Variants in FANCB observed in about 807,000 individuals in gnomAD.
FANCB encodes the protein Fanconi anemia group B protein.
In FANCB, 5 loss-of-function variants were observed where a neutral mutation model predicts 38.9. The observed-to-expected ratio is 0.13, with a 90% CI of 0.07 to 0.27. FANCB has a LOEUF of 0.27. FANCB is among the 10% of genes least tolerant of loss of function. The probability of loss-of-function intolerance (pLI) is 1.00; values close to 1 mark genes in which losing one functional copy is unlikely to be tolerated. For synonymous variants in FANCB, 236 were observed against 215.4 expected (o/e 1.10, Z -0.84); for missense variants, 573 against 602.7 (o/e 0.95, Z 0.52).
the FANCB span, chrX:14,730,298 C>T: frequency 1.2e-4 from 148 of 1,205,998 alleles, no homozygotes; most frequent in African/African-American, 2.4e-3. Flanking sequence ...GCTGTCAAGG[C>T]CACACCTGCC....
chrX:14,853,908 T>C (rs1013818102), intron 5 of FANCB, among the ~76,000 whole-genome samples: 19 of 112,458 alleles, frequency 1.7e-4, no homozygotes, highest in African/African-American at 5.2e-4. Context: ...GTTGTTTCAT[T>C]TCAGGTGGAT....
chrX:14,848,261 C>T lies in FANCB; in HGVS notation c.1496+2244G>A, dbSNP rs144508993. ...TTGGACTGCCAGAACGAGCCAACAG[C>T]GCGTGATGTGCTTCCCCCTCCAGAG... On this transcript the variant is annotated intron_variant, in intron 7 of 9. Coordinates refer to ENST00000650831, the MANE Select transcript of FANCB (RefSeq NM_001018113.3). 3.1e-3 allele frequency among the ~76,000 whole-genome samples: 351 copies of T among 112,088 alleles called. 1 individual carries two copies. The highest frequency in any genetic ancestry group is 0.01 in the African/African-American group (316 of 30,837).
At chrX:14,694,770 C>A in the FANCB span, among the ~76,000 whole-genome samples, 1 of 112,344 alleles carries the variant, frequency 8.9e-6, no homozygotes, top group Non-Finnish European at 1.9e-5. Flanking sequence ...AAAAATGCAG[C>A]CTTTTGATGA....
At chrX:14,872,370 G>T (rs886184099) in intron 1 of FANCB, among the ~76,000 whole-genome samples, 5 of 112,011 alleles carry the variant, frequency 4.5e-5, no homozygotes, top group Non-Finnish European at 9.4e-5. Flanking sequence ...TATTGTATGC[G>T]CAACTATTTT....
In FANCB at chrX:14,845,137, G is replaced by A; in HGVS notation, c.1646C>T (p.Ala549Val). The A allele has an allele frequency of 1.7e-6, 2 of 1,211,069 alleles. No homozygotes were observed. Among genetic ancestry groups the A allele is most frequent in the Non-Finnish European group, 2.2e-6 (2 of 894,961 alleles). Residue 549 changes from alanine (A) to valine (V), a missense_variant, in exon 8 of 10, where the codon GCA becomes GTA. Ala to Val is a moderately conservative substitution (Grantham distance 64). Coordinates refer to ENST00000650831, the MANE Select transcript of FANCB (RefSeq NM_001018113.3). The stretch of plus-strand genomic sequence containing the variant: ...ATCAGGGGTCAACGTGACCCTTTTT[G>A]CTTCCAATCCTATTTCACATGGCAT... The part of the protein sequence containing the change: ...YLMPCEIGLE[A>V]KRVTLTPDSK...
At chrX:14,870,626 A>T (rs1180115294) in intron 1 of FANCB, among the ~76,000 whole-genome samples, 1 of 112,201 alleles carries the variant, frequency 8.9e-6, no homozygotes, top group Non-Finnish European at 1.9e-5. Flanking sequence ...ATATACAAGC[A>T]TATGCTAACA....
the FANCB span, among the ~76,000 whole-genome samples, chrX:14,804,787 G>A: frequency 3.6e-5 from 4 of 111,791 alleles, no homozygotes; most frequent in African/African-American, 1.3e-4. Context: ...CTGCTGATAT[G>A]GATTATATTT....
At chrX:14,793,993 G>A in the FANCB span, among the ~76,000 whole-genome samples, 27 of 111,730 alleles carry the variant, frequency 2.4e-4, no homozygotes, top group Admixed American at 9.6e-5. Context: ...GATTTCATAT[G>A]TCCTGCTAAA....
At chrX:14,699,249 C>A in the FANCB span, among the ~76,000 whole-genome samples, 1 of 111,971 alleles carries the variant, frequency 8.9e-6, no homozygotes, top group Admixed American at 9.5e-5. Flanking sequence ...GCATTTATCT[C>A]CCACTTTCAT....
the FANCB span, among the ~76,000 whole-genome samples, chrX:14,770,424 T>C: frequency 8.9e-6 from 1 of 112,146 alleles, no homozygotes; most frequent in Admixed American, 9.4e-5. Flanking sequence ...TTTGTTGGTT[T>C]AAAGTATGTT....
chrX:14,748,376 T>TTGAC, the FANCB span, among the ~76,000 whole-genome samples: 1,262 of 26,606 alleles, frequency 0.047, 13 homozygotes, highest in African/African-American at 0.22. Context: ...GGACAGCACT[T>TTGAC]TGTGGCCTTG....
chrX:14,813,765 G>C, the FANCB span, among the ~76,000 whole-genome samples: 4 of 111,647 alleles, frequency 3.6e-5, no homozygotes, highest in Admixed American at 3.8e-4. Flanking sequence ...GTAATTTATA[G>C]ATTCAATGCC....
intron 3 of FANCB, among the ~76,000 whole-genome samples, chrX:14,860,312 T>A (rs1313541010): frequency 8.9e-6 from 1 of 112,351 alleles, no homozygotes; most frequent in Non-Finnish European, 1.9e-5. Flanking sequence ...TAAGGCTAAT[T>A]GCCAAAGTTG....
chrX:14,720,373 T>G, the FANCB span, among the ~76,000 whole-genome samples: 1 of 112,105 alleles, frequency 8.9e-6, no homozygotes, highest in African/African-American at 3.2e-5. Flanking sequence ...GATCTCATCA[T>G]GTAAGTCAAA....
At chrX:14,826,890 T>C in the FANCB span, among the ~76,000 whole-genome samples, 3 of 111,857 alleles carry the variant, frequency 2.7e-5, no homozygotes, top group East Asian at 2.8e-4. Flanking sequence ...TCATCTAATA[T>C]TTTTGTTTCT....
the FANCB span, among the ~76,000 whole-genome samples, chrX:14,753,396 T>C: frequency 8.9e-6 from 1 of 112,601 alleles, no homozygotes; most frequent in African/African-American, 3.2e-5. Flanking sequence ...ATAGAATTAT[T>C]TATCTAGGTT....
At chrX:14,767,131 A>C in the FANCB span, among the ~76,000 whole-genome samples, 2 of 112,068 alleles carry the variant, frequency 1.8e-5, no homozygotes, top group South Asian at 3.8e-4. Context: ...GCTGTTGAGA[A>C]TAGTGCTGCA....
At chrX:14,702,768 G>C in the FANCB span, among the ~76,000 whole-genome samples, 15 of 111,758 alleles carry the variant, frequency 1.3e-4, no homozygotes, top group African/African-American at 4.6e-4. Flanking sequence ...CAAAGAAAAA[G>C]ATATGACCAC....
chrX:14,784,897 A>G, the FANCB span, among the ~76,000 whole-genome samples: 1 of 112,134 alleles, frequency 8.9e-6, no homozygotes, highest in African/African-American at 3.2e-5. Flanking sequence ...ACTTATCCTT[A>G]GCAAATTAAC....
Sources: allele counts gnomAD v4.1 joint callset (sites outside exome capture counted in the v4.1 genomes callset), GRCh38; gene constraint gnomAD v4.1.1; transcripts MANE v1.5; gene names NCBI Gene and HGNC (gene_info 2026-07-23, HGNC 2026-07-21).